Variants in PCED1A observed in about 807,000 individuals in gnomAD.
PCED1A encodes PC-esterase domain containing 1A.
A neutral mutation model predicts 41.9 loss-of-function variants in PCED1A; 20 were observed. The ratio of observed to expected loss-of-function variants is 0.48; its 90% CI spans 0.34 to 0.69. PCED1A has a LOEUF of 0.69. Ranked by LOEUF, PCED1A falls within the 30% of genes least tolerant of loss-of-function variation. PCED1A has a pLI of 0.01. For synonymous variants in PCED1A, 236 were observed against 241.3 expected, an observed-to-expected ratio of 0.98 and a Z score of 0.20; for missense variants, 498 against 602.1, an observed-to-expected ratio of 0.83 and a Z score of 1.81.
upstream of PCED1A, chr20:2,840,662 C>A: frequency 8.3e-7 from 1 of 1,203,620 alleles, no homozygotes; most frequent in Non-Finnish European, 1.2e-6. Flanking sequence ...TGGTGATGGC[C>A]GCGGCGGCGG....
chr20:2,840,759 G>C (rs754204779), upstream of PCED1A: 1 of 1,547,846 alleles, frequency 6.5e-7, no homozygotes, highest in Non-Finnish European at 8.7e-7. Context: ...CTTCCCAGCT[G>C]CCGTCTGCAC....
chr20:2,839,790 G>T lies in PCED1A; in HGVS notation c.123C>A (p.Ser41=), dbSNP rs1393230634. The T allele has an allele frequency of 6.2e-7, 1 of 1,614,054 alleles. No individual in the cohort carries two copies. The part of the protein sequence containing the change: ...HNKFVVILGD[S]IQRAVYKDLV... Reference sequence around the variant, plus strand: ...CGTCACCCTAGAAGAGGCACTCACTGGAGTCCCCCAAGATGACCACGAACT... The same window carrying T: ...CGTCACCCTAGAAGAGGCACTCACTTGAGTCCCCCAAGATGACCACGAACT... Residue 41 remains serine, a splice_region_variant and synonymous_variant, in exon 2 of 8, where the codon TCC becomes TCA. Coordinates refer to ENST00000360652, the MANE Select transcript of PCED1A (RefSeq NM_022760.6).
chr20:2,840,381 T>G lies in PCED1A; in HGVS notation c.-192A>C. ...ACCGTGGGTCCAGGTTAGCCGTCGG[T>G]GCACAGCCCAGCGCCCAGCGCTCTC... On this transcript the variant is annotated 5_prime_UTR_variant, in exon 1 of 8. Coordinates refer to ENST00000360652, the MANE Select transcript of PCED1A (RefSeq NM_022760.6). 3.1e-6 allele frequency: 1 copy of G among 325,702 alleles called. No homozygotes were observed. 20.2% of individuals were successfully genotyped at this position (325,702 alleles called of 1,614,324 possible). A position where few individuals can be genotyped will look rare whatever the true frequency, so the allele number is the denominator to read the frequency against.
chr20:2,841,000 CT>C, upstream of PCED1A: 1 of 620,134 alleles, frequency 1.6e-6, no homozygotes, highest in Non-Finnish European at 2.8e-6. Context: ...GGAGCCGGGC[CT>C]TCCCCTGCTC....
upstream of PCED1A, chr20:2,840,727 C>A: frequency 6.5e-7 from 1 of 1,544,040 alleles, no homozygotes; most frequent in East Asian, 2.5e-5. Flanking sequence ...GGAGCCCGCT[C>A]TAGGTGGGTG....
rs1307348187 is a variant in PCED1A at position 2,838,311 on chromosome 20, G to A, written c.762C>T (p.His254=). ...RDGVHWDQHA[H]RHLSHLLLTH... ...TCAGAAGCAGGTGTGAGAGGTGGCG[G>A]TGTGCATGCTGGTCCCAGTGGACAC... Residue 254 remains histidine (H), a synonymous_variant, in exon 6 of 8, where the codon CAC becomes CAT. Transcript: ENST00000360652. This position sits in a 1 kb window ranked among gnomAD's most constrained non-coding sequence, Gnocchi z 5.8. 1.7e-5 allele frequency: 27 copies of A among 1,614,242 alleles called. No individual in the cohort carries two copies. The highest frequency in any genetic ancestry group is 2.3e-5 in the Non-Finnish European group (27 of 1,180,034).
At chr20:2,840,708 TGCCGGCCTGGA>T (rs1161937194), upstream of PCED1A, 18 of 1,512,858 alleles carry the variant, frequency 1.2e-5, no homozygotes, top group Non-Finnish European at 1.6e-5. Context: ...GAAGCGGAAG[TGCCGGCCTGGA>T]GCCCGCTCTA....
chr20:2,836,805 TTCTTC>T (rs2088842782), intron 6 of PCED1A, among the ~76,000 whole-genome samples: 1 of 152,186 alleles, frequency 6.6e-6, no homozygotes, highest in African/African-American at 2.4e-5. Flanking sequence ...ACAAATTCCC[TTCTTC>T]TCAACAGTCA....
At position 2,840,410 on chromosome 20, in the gene PCED1A, G is replaced by A. The variant is rs912738829; in HGVS notation, c.-221C>T. ...CAGCCCAGCGCCCAGCGCTCTCCAT[G>A]CGAGCGTCGCTGTGGCCCCGACGGC... On this transcript the variant is annotated 5_prime_UTR_variant, in exon 1 of 8. Transcript: ENST00000360652. 55 of 375,882 alleles carry A rather than the reference G, an allele frequency of 1.5e-4. No homozygotes were observed. Among genetic ancestry groups the A allele is most frequent in the Non-Finnish European group, 2.2e-4 (45 of 206,276 alleles). The allele number at this position is 375,882 out of a possible 1,614,324, so 23.3% of individuals were successfully genotyped here. A position where few individuals can be genotyped will look rare whatever the true frequency, so the allele number is the denominator to read the frequency against.
chr20:2,838,405 TC>T lies in PCED1A; in HGVS notation c.667del (p.Asp223ThrfsTer7), dbSNP rs1320642584. ...GNFYSATLAG[D>X]HCFDVLDLHF... Reference sequence around the variant, plus strand: ...GAGGTCTAGGACATCAAAGCAGTGGTCCCCGGCCAGCGTAGCACTGTAGAAG... The same window carrying T: ...GAGGTCTAGGACATCAAAGCAGTGGTCCCGGCCAGCGTAGCACTGTAGAAG... On this transcript the variant is annotated frameshift_variant, in exon 6 of 8. Coordinates refer to ENST00000360652, the MANE Select transcript of PCED1A (RefSeq NM_022760.6). LOFTEE classifies it high-confidence loss of function. The surrounding 1 kb of genome is among the most constrained non-coding windows in gnomAD (Gnocchi z 5.8). 1.9e-6 allele frequency: 3 copies of T among 1,614,190 alleles called. No individual in the cohort carries two copies. Among genetic ancestry groups the T allele is most frequent in the Non-Finnish European group, 2.5e-6 (3 of 1,180,036 alleles).
Position 2,835,537 on chromosome 20 carries a change from T to A in PCED1A, c.1290A>T (p.Arg430Ser). The A allele has an allele frequency of 6.2e-7, 1 of 1,614,054 alleles. No homozygotes were observed. Among genetic ancestry groups the A allele is most frequent in the African/African-American group, 1.3e-5 (1 of 75,002 alleles). ...RMGGPCRQRLRHSERLIHTYK... is the reference protein window; with the variant it reads ...RMGGPCRQRLSHSERLIHTYK... ...ATGTGTGGATCAGTCTCTCTGAGTG[T>A]CTGAGCCGCTGCCTGCAGGGCCCCC... Residue 430 changes from arginine (R) to serine (S), a missense_variant, in exon 8 of 8, where the codon AGA becomes AGT. Coordinates refer to ENST00000360652, the MANE Select transcript of PCED1A (RefSeq NM_022760.6).
chr20:2,840,607 A>G lies in PCED1A; in HGVS notation c.-418T>C. 1.4e-6 allele frequency: 1 copy of G among 713,512 alleles called. No individual in the cohort carries two copies. Among genetic ancestry groups the G allele is most frequent in the Non-Finnish European group, 2.3e-6 (1 of 425,542 alleles). The allele number at this position is 713,512 out of a possible 1,614,324, so 44.2% of individuals were successfully genotyped here. A position where few individuals can be genotyped will look rare whatever the true frequency, so the allele number is the denominator to read the frequency against. On this transcript the variant is annotated 5_prime_UTR_variant, in exon 1 of 8. Transcript: ENST00000360652. Reference sequence around the variant, plus strand: ...CACTTGGCGGGCGCGAAGCCCAGGTACGGGCTGGGGTCTCGGGGCGGCAGC... The same window carrying G: ...CACTTGGCGGGCGCGAAGCCCAGGTGCGGGCTGGGGTCTCGGGGCGGCAGC...
chr20:2,840,179 C>T (rs1464140081), intron 1 of PCED1A, 32 bp downstream of exon 1: 2 of 340,270 alleles, frequency 5.9e-6, no homozygotes, highest in Non-Finnish European at 1.1e-5. Context: ...GCCGCCGTCC[C>T]GCGCATGCGC....
rs944227780 is a variant in PCED1A, at chr20:2,840,411, C to G, written c.-222G>C. ...AGCCCAGCGCCCAGCGCTCTCCATGCGAGCGTCGCTGTGGCCCCGACGGCG... is the reference window on the plus strand; with the variant it reads ...AGCCCAGCGCCCAGCGCTCTCCATGGGAGCGTCGCTGTGGCCCCGACGGCG... On this transcript the variant is annotated 5_prime_UTR_variant, in exon 1 of 8. Transcript: ENST00000360652. 58 of 377,844 alleles carry G rather than the reference C, an allele frequency of 1.5e-4. No homozygotes were observed. Among genetic ancestry groups the G allele is most frequent in the Non-Finnish European group, 2.3e-4 (48 of 207,388 alleles). 23.4% of individuals were successfully genotyped at this position (377,844 alleles called of 1,614,324 possible).
At chr20:2,836,728 C>G (rs940512919) in intron 6 of PCED1A, among the ~76,000 whole-genome samples, 4 of 152,178 alleles carry the variant, frequency 2.6e-5, no homozygotes, top group African/African-American at 7.2e-5. Context: ...TCCTCAATTG[C>G]TCACTCCCTC....
At chr20:2,840,720 G>A, upstream of PCED1A, 1 of 1,539,146 alleles carries the variant, frequency 6.5e-7, no homozygotes, top group Non-Finnish European at 8.8e-7. Context: ...CCGGCCTGGA[G>A]CCCGCTCTAG....
Position 2,835,644 on chromosome 20 carries a change from G to A in PCED1A, c.1183C>T (p.His395Tyr), listed in dbSNP as rs1392795129. 1 of 1,604,220 alleles carries A rather than the reference G, an allele frequency of 6.2e-7. No individual in the cohort carries two copies. ...ACCACTGGGCCCCAGTGCTGACCAT[G>A]GGGATTAGGGCCAGGGATTGGAGGT... is the stretch of plus-strand genomic sequence containing the variant. Reference protein sequence around the residue: ...LPPPIPGPNPHGQHWGPVVHR... With the variant: ...LPPPIPGPNPYGQHWGPVVHR... The change falls in exon 8 of 8, where the codon CAT becomes TAT. Residue 395 changes from histidine (H) to tyrosine (Y), a missense_variant. Transcript: ENST00000360652.
At position 2,835,580 on chromosome 20, in the gene PCED1A, T is replaced by G; in HGVS notation, c.1247A>C (p.Tyr416Ser). 6.2e-7 allele frequency: 1 copy of G among 1,614,100 alleles called. No homozygotes were observed. Among genetic ancestry groups the G allele is most frequent in the Non-Finnish European group, 8.5e-7 (1 of 1,179,978 alleles). Residue 416 changes from tyrosine (Y) to serine (S), a missense_variant, in exon 8 of 8, where the codon TAC becomes TCC. By Grantham distance (144) the Tyr-to-Ser change is moderately radical. Transcript: ENST00000360652. ...GMPRYVPNSP[Y>S]HVRRMGGPCR... ...GGGCCCCCCCATTCTCCGCACATGG[T>G]AGGGGCTGTTAGGAACATAGCGTGG... is the stretch of plus-strand genomic sequence containing the variant.
At position 2,840,571 on chromosome 20, in the gene PCED1A, A is replaced by T; in HGVS notation, c.-382T>A. ...GTGGCCGCCACAGGGCGCAGGAGCC[A>T]GGGCTGGGCCCACTTGGCGGGCGCG... On this transcript the variant is annotated 5_prime_UTR_variant, in exon 1 of 8. Coordinates refer to ENST00000360652, the MANE Select transcript of PCED1A (RefSeq NM_022760.6). The T allele has an allele frequency of 4.9e-6, 3 of 606,070 alleles. No individual in the cohort carries two copies. The highest frequency in any genetic ancestry group is 3.0e-5 in the East Asian group (1 of 33,326). 37.5% of individuals were successfully genotyped at this position (606,070 alleles called of 1,614,324 possible).
Sources: gnomAD v4.1 joint callset for allele counts (sites outside exome capture counted in the v4.1 genomes callset) on GRCh38, gnomAD v4.1.1 for gene constraint, Gnocchi (gnomAD v3.1) non-coding constraint, MANE v1.5 for transcripts, NCBI Gene and HGNC (gene_info 2026-07-23, HGNC 2026-07-21) for gene names.